ANKMY1: variants seen among roughly 807,000 people sequenced by gnomAD.
ANKMY1 encodes the protein ankyrin repeat and MYND domain containing 1.
ANKMY1 carries 98 observed loss-of-function variants against 102.0 expected under a neutral mutation model. That is an observed-to-expected ratio of 0.96 (90% CI 0.82 to 1.14). The LOEUF (loss-of-function observed/expected upper bound fraction) is 1.14. ANKMY1 is among the 50% of genes most tolerant of loss of function. ANKMY1 has a pLI of 0.00. For missense variants in ANKMY1, 1,330 were observed against 1,347.6 expected, an observed-to-expected ratio of 0.99 and a Z score of 0.20; for synonymous variants, 582 against 559.9, an observed-to-expected ratio of 1.04 and a Z score of -0.56.
chr2:240,492,082 C>T lies in ANKMY1; in HGVS notation c.2806+7876G>A, dbSNP rs528848345. Reference sequence around the variant, plus strand: ...CTGGAGTGCAGTGGCACAATCCTAGCTCACAGTAACCTAAAACTCCTGGGC... The same window carrying T: ...CTGGAGTGCAGTGGCACAATCCTAGTTCACAGTAACCTAAAACTCCTGGGC... On this transcript the variant is annotated intron_variant, in intron 15 of 17. Transcript: ENST00000401804. Among the ~76,000 whole-genome samples, 3 of 152,252 alleles carry T rather than the reference C, an allele frequency of 2.0e-5. No homozygotes were observed. In the South Asian group the frequency reaches 6.2e-4, roughly 32 times the overall value.
At chr2:240,531,087 A>G (rs1390031421) in intron 4 of ANKMY1, among the ~76,000 whole-genome samples, 1 of 152,134 alleles carries the variant, frequency 6.6e-6, no homozygotes, top group African/African-American at 2.4e-5. Context: ...AGTAAAACAA[A>G]TAAACACTTC....
At chr2:240,555,891 C>G (rs1377640277) in intron 2 of ANKMY1, among the ~76,000 whole-genome samples, 1 of 152,140 alleles carries the variant, frequency 6.6e-6, no homozygotes, top group Admixed American at 6.5e-5. Context: ...CTCAGTTCCC[C>G]CCCAGACGGA....
intron 12 of ANKMY1, among the ~76,000 whole-genome samples, chr2:240,508,648 G>A (rs534900602): frequency 1.3e-5 from 2 of 152,338 alleles, no homozygotes; most frequent in East Asian, 1.9e-4. Context: ...CCTCCAACGA[G>A]AATATAGGAT....
intron 4 of ANKMY1, chr2:240,532,047 G>A (rs771583528): frequency 4.3e-6 from 2 of 462,680 alleles, no homozygotes; most frequent in Non-Finnish European, 8.9e-6. Flanking sequence ...GTACCAGAGA[G>A]AGAGGAGAGA....
At chr2:240,519,560 T>C (rs1167672587) in intron 9 of ANKMY1, among the ~76,000 whole-genome samples, 1 of 152,086 alleles carries the variant, frequency 6.6e-6, no homozygotes, top group East Asian at 1.9e-4. Context: ...CAGCGACCGA[T>C]TCCATTCCAG....
Position 240,525,679 on chromosome 2 carries a change from G to A in ANKMY1, c.1335+6C>T. On this transcript the variant is annotated splice_donor_region_variant and intron_variant, in intron 7 of 17. Coordinates refer to ENST00000401804, the MANE Select transcript of ANKMY1 (RefSeq NM_001282771.3). ...TTGGTGGTGCAGTGGCCACCGGGGG[G>A]CTTACCTGGGGCTCAGGTATGGTCC... The A allele has an allele frequency of 2.5e-6, 4 of 1,613,518 alleles. No individual in the cohort carries two copies. The highest frequency in any genetic ancestry group is 3.4e-6 in the Non-Finnish European group (4 of 1,179,694).
chr2:240,520,420 T>A lies in ANKMY1; in HGVS notation c.1946A>T (p.Asp649Val). The change falls in exon 9 of 18, where the codon GAT (aspartate) becomes GTT (valine). Residue 649 changes from aspartate to valine, a missense_variant. Physicochemically the swap from Asp to Val is radical, Grantham distance 152. Transcript: ENST00000401804. This position sits in a 1 kb window ranked among gnomAD's most constrained non-coding sequence, Gnocchi z 4.8. ...LFLAVKAGDV[D>V]GVRLLLEHGA... ...GTGCTCCAGCAGCAGCCTCACCCCA[T>A]CCACGTCCCCGGCCTTCACAGCAAG... The A allele has an allele frequency of 6.2e-7, 1 of 1,609,268 alleles. No homozygotes were observed. Among genetic ancestry groups the A allele is most frequent in the African/African-American group, 1.3e-5 (1 of 74,970 alleles).
chr2:240,485,774 G>A (rs940064933), intron 15 of ANKMY1, among the ~76,000 whole-genome samples: 5 of 151,970 alleles, frequency 3.3e-5, no homozygotes, highest in Non-Finnish European at 2.9e-5. Context: ...AAAAATTTTT[G>A]TAGAGACAGG....
intron 10 of ANKMY1, among the ~76,000 whole-genome samples, chr2:240,512,458 G>C (rs1575064985): frequency 6.6e-6 from 1 of 152,232 alleles, no homozygotes; most frequent in African/African-American, 2.4e-5. Flanking sequence ...AGGCCCTGGG[G>C]ACATGGAACT....
At chr2:240,484,909 T>G (rs2075864213) in intron 15 of ANKMY1, among the ~76,000 whole-genome samples, 1 of 152,040 alleles carries the variant, frequency 6.6e-6, no homozygotes, top group Admixed American at 6.5e-5. Flanking sequence ...CAGACACTTC[T>G]CAAAAGACGA....
rs1170364669 is a variant in ANKMY1 at position 240,520,461 on chromosome 2, G to T, written c.1905C>A (p.Pro635=). 6.2e-7 allele frequency: 1 copy of T among 1,613,364 alleles called. No individual in the cohort carries two copies. The highest frequency in any genetic ancestry group is 1.1e-5 in the South Asian group (1 of 91,048). The stretch of plus-strand genomic sequence containing the variant: ...TCACAGCAAGGAACAGGACCTGCAT[G>T]GGCACGCAGCACAGGTTGGGGTCCG... ...RGADPNLCCV[P]MQVLFLAVKA... Residue 635 remains proline, a synonymous_variant, in exon 9 of 18, where the codon CCC becomes CCA. Coordinates refer to ENST00000401804, the MANE Select transcript of ANKMY1 (RefSeq NM_001282771.3). The surrounding 1 kb of genome is among the most constrained non-coding windows in gnomAD (Gnocchi z 4.8).
chr2:240,541,693 G>A (rs1035394079), intron 4 of ANKMY1, among the ~76,000 whole-genome samples: 26 of 151,834 alleles, frequency 1.7e-4, no homozygotes, highest in Admixed American at 1.4e-3. Context: ...TAGTAGAGAC[G>A]GGGTTTCACC....
chr2:240,495,110 C>T (rs933787339), intron 15 of ANKMY1, among the ~76,000 whole-genome samples: 6 of 152,110 alleles, frequency 3.9e-5, no homozygotes, highest in Non-Finnish European at 5.9e-5. Context: ...CTGTTATGCC[C>T]GGACAGGGCC....
chr2:240,514,887 C>T (rs1049013092), intron 9 of ANKMY1, among the ~76,000 whole-genome samples: 1 of 152,184 alleles, frequency 6.6e-6, no homozygotes, highest in Admixed American at 6.5e-5. Context: ...CAGCCACCTC[C>T]CTGGGTTACC....
intron 7 of ANKMY1, among the ~76,000 whole-genome samples, chr2:240,524,839 G>A (rs1171517097): frequency 6.6e-6 from 1 of 152,030 alleles, no homozygotes; most frequent in Non-Finnish European, 1.5e-5. Context: ...TTAATTACAC[G>A]TTTTATTTCT....
downstream of ANKMY1, among the ~76,000 whole-genome samples, chr2:240,476,565 T>A (rs1290348700): frequency 1.3e-5 from 2 of 152,150 alleles, no homozygotes; most frequent in African/African-American, 4.8e-5. Context: ...TCCTGGCAGA[T>A]GTGAAAAGGC....
intron 4 of ANKMY1, among the ~76,000 whole-genome samples, chr2:240,540,192 T>A (rs2088303099): frequency 6.6e-6 from 1 of 152,242 alleles, no homozygotes; most frequent in South Asian, 2.1e-4. Context: ...CTTCCAGACA[T>A]CCCACCTTTT....
At chr2:240,488,941 A>G (rs551862358) in intron 15 of ANKMY1, among the ~76,000 whole-genome samples, 11 of 152,258 alleles carry the variant, frequency 7.2e-5, no homozygotes, top group African/African-American at 2.6e-4. Context: ...GCTCTTTTCC[A>G]TTGTGGATGC....
intron 6 of ANKMY1, 142 bp downstream of exon 6, chr2:240,526,087 C>A: frequency 9.0e-7 from 1 of 1,112,692 alleles, no homozygotes; most frequent in Non-Finnish European, 1.3e-6. Context: ...TTCTGCTGAA[C>A]GGCGAGGTGG....
Sources: allele counts gnomAD v4.1 joint callset (sites outside exome capture counted in the v4.1 genomes callset), GRCh38; gene constraint gnomAD v4.1.1; non-coding constraint Gnocchi (gnomAD v3.1); transcripts MANE v1.5; gene names NCBI Gene and HGNC (gene_info 2026-07-23, HGNC 2026-07-21).